CELF2: variants seen among roughly 807,000 people sequenced by gnomAD.
CELF2 encodes CUGBP Elav-like family member 2, also known as CUG triplet repeat RNA-binding protein 2.
In CELF2, 8 loss-of-function variants were observed where a neutral mutation model predicts 62.6. That is an observed-to-expected ratio of 0.13 (90% CI 0.07 to 0.23). CELF2 has a LOEUF of 0.23. Ranked by LOEUF, CELF2 falls within the 10% of genes least tolerant of loss-of-function variation. The pLI is 1.00. For missense variants in CELF2, 333 were observed against 671.0 expected, an observed-to-expected ratio of 0.50 and a Z score of 5.56; for synonymous variants, 258 against 250.0, an observed-to-expected ratio of 1.03 and a Z score of -0.30.
chr10:11,326,074 C>A, intron 12 of CELF2, 95 bp downstream of exon 12: 1 of 1,237,678 alleles, frequency 8.1e-7, no homozygotes, highest in Non-Finnish European at 1.1e-6. Flanking sequence ...CAGGATAGGG[C>A]CTTCCCCACA....
intron 2 of CELF2, among the ~76,000 whole-genome samples, chr10:10,925,761 CT>C (rs2065402768): frequency 6.6e-6 from 1 of 152,140 alleles, no homozygotes; most frequent in African/African-American, 2.4e-5. Context: ...TCCAAACCGT[CT>C]TCTTTCAGAT....
chr10:11,059,191 T>C (rs1008520415), intron 1 of CELF2, among the ~76,000 whole-genome samples: 2 of 152,178 alleles, frequency 1.3e-5, no homozygotes, highest in African/African-American at 4.8e-5. Flanking sequence ...TCTGACTCAT[T>C]TCACCATGGC....
intron 4 of CELF2, among the ~76,000 whole-genome samples, chr10:11,251,270 ATTTTTTT>A (rs66615560): frequency 4.7e-5 from 3 of 63,300 alleles, no homozygotes; most frequent in African/African-American, 6.7e-5. Flanking sequence ...ACACAAAGGG[ATTTTTTT>A]TTTTTTTTTT....
intron 1 of CELF2, among the ~76,000 whole-genome samples, chr10:11,140,302 G>T (rs1020301979): frequency 7.2e-5 from 11 of 152,102 alleles, no homozygotes; most frequent in Admixed American, 5.9e-4. Context: ...GTGCAGTAGC[G>T]CAATCATAGC....
the CELF2 span, among the ~76,000 whole-genome samples, chr10:10,642,584 A>T: frequency 6.6e-6 from 1 of 152,188 alleles, no homozygotes; most frequent in East Asian, 1.9e-4. Context: ...AGATAGCTGC[A>T]TTTTCCTTGC....
intron 3 of CELF2, among the ~76,000 whole-genome samples, chr10:11,232,221 C>T (rs2068998830): frequency 1.3e-5 from 2 of 152,148 alleles, no homozygotes; most frequent in South Asian, 4.1e-4. Flanking sequence ...CAGTTCCCAC[C>T]TATGAGTGCT....
At chr10:11,062,060 C>G (rs1286082527) in intron 1 of CELF2, among the ~76,000 whole-genome samples, 2 of 152,252 alleles carry the variant, frequency 1.3e-5, no homozygotes, top group Non-Finnish European at 2.9e-5. Flanking sequence ...GATCTGCCCT[C>G]CTCGGCCTCC....
chr10:10,964,958 G>A (rs1447442651), intron 2 of CELF2, among the ~76,000 whole-genome samples: 1 of 152,000 alleles, frequency 6.6e-6, no homozygotes, highest in Non-Finnish European at 1.5e-5. Context: ...AGCCCTCACG[G>A]TGGTAATACT....
At chr10:10,502,013 G>A in the CELF2 span, among the ~76,000 whole-genome samples, 6 of 152,002 alleles carry the variant, frequency 3.9e-5, no homozygotes, top group Non-Finnish European at 8.8e-5. Flanking sequence ...ATCAACTGGT[G>A]TTATCACCTG....
At chr10:10,916,818 G>A (rs1277120024) in intron 1 of CELF2, among the ~76,000 whole-genome samples, 1 of 152,006 alleles carries the variant, frequency 6.6e-6, no homozygotes, top group Non-Finnish European at 1.5e-5. Context: ...TTACCACATT[G>A]GTCAGGCTGG....
At chr10:11,024,622 GTAATAATAA>G (rs58540409) in intron 1 of CELF2, among the ~76,000 whole-genome samples, 10,967 of 151,622 alleles carry the variant, frequency 0.072, 660 homozygotes, top group African/African-American at 0.16. Context: ...AATAATAATA[GTAATAATAA>G]TAATAATAAT....
At chr10:11,014,602 T>C (rs968230707), upstream of CELF2, among the ~76,000 whole-genome samples, 11 of 152,270 alleles carry the variant, frequency 7.2e-5, no homozygotes, top group Middle Eastern at 6.8e-3. Context: ...AATGCATTTA[T>C]TAGCACTGTT....
At chr10:10,542,861 CTAGA>C in the CELF2 span, among the ~76,000 whole-genome samples, 3 of 152,180 alleles carry the variant, frequency 2.0e-5, no homozygotes, top group Non-Finnish European at 4.4e-5. Flanking sequence ...GCTGGCTTCT[CTAGA>C]TAGTGTGTTG....
At chr10:10,731,010 C>T in the CELF2 span, among the ~76,000 whole-genome samples, 146 of 152,226 alleles carry the variant, frequency 9.6e-4, no homozygotes, top group South Asian at 0.013. Context: ...AGAGTGGCTA[C>T]GAATATTTCC....
chr10:11,207,515 G>A lies in CELF2; in HGVS notation c.272-9910G>A, dbSNP rs1017967337. ...GCTGAAAAGGTGGCTCAGATTTGCT[G>A]TCTGCGAGGAATCTTGCAGGGAAAG... On this transcript the variant is annotated intron_variant, in intron 2 of 12. Coordinates refer to ENST00000633077, the MANE Select transcript of CELF2 (RefSeq NM_001326342.2). This position sits in a 1 kb window ranked among gnomAD's most constrained non-coding sequence, Gnocchi z 4.1. 6.6e-6 allele frequency among the ~76,000 whole-genome samples: 1 copy of A among 152,252 alleles called. No individual in the cohort carries two copies. The highest frequency in any genetic ancestry group is 1.5e-5 in the Non-Finnish European group (1 of 68,052).
chr10:11,057,327 C>T (rs1159403971), intron 1 of CELF2, among the ~76,000 whole-genome samples: 2 of 152,184 alleles, frequency 1.3e-5, no homozygotes, highest in African/African-American at 4.8e-5. Flanking sequence ...CTAACACATG[C>T]TTTTGCTCTA....
chr10:10,659,516 C>T, the CELF2 span, among the ~76,000 whole-genome samples: 2 of 152,104 alleles, frequency 1.3e-5, no homozygotes, highest in Non-Finnish European at 2.9e-5. Flanking sequence ...CAAATCGCTC[C>T]TCTTATTATG....
intron 1 of CELF2, among the ~76,000 whole-genome samples, chr10:11,089,549 A>C (rs1040553984): frequency 6.6e-6 from 1 of 152,158 alleles, no homozygotes; most frequent in Non-Finnish European, 1.5e-5. Context: ...GGCTAGATGA[A>C]TGAAGAGCGT....
the CELF2 span, among the ~76,000 whole-genome samples, chr10:10,652,127 G>A: frequency 1.3e-4 from 14 of 105,244 alleles, 1 homozygote; most frequent in East Asian, 3.1e-3. Context: ...TATCAGCGAT[G>A]GAAGATGAAA....
Sources: gnomAD v4.1 joint callset for allele counts (sites outside exome capture counted in the v4.1 genomes callset) on GRCh38, gnomAD v4.1.1 for gene constraint, Gnocchi (gnomAD v3.1) non-coding constraint, MANE v1.5 for transcripts, NCBI Gene and HGNC (gene_info 2026-07-23, HGNC 2026-07-21) for gene names.